Variants in TRIM32 observed in about 807,000 individuals in gnomAD.
TRIM32 encodes tripartite motif containing 32.
In TRIM32, 19 loss-of-function variants were observed where a neutral mutation model predicts 36.0. The observed-to-expected ratio is 0.53, with a 90% CI of 0.37 to 0.77. TRIM32 has a LOEUF of 0.77. Among genes scored for constraint, TRIM32 ranks in the 30% least tolerant of loss-of-function variants. The probability of loss-of-function intolerance (pLI) is 0.00; values close to 1 mark genes in which losing one functional copy is unlikely to be tolerated. For missense variants in TRIM32, 747 were observed against 845.2 expected, an observed-to-expected ratio of 0.88 and a Z score of 1.44; for synonymous variants, 309 against 318.5, an observed-to-expected ratio of 0.97 and a Z score of 0.32.
intron 1 of TRIM32, among the ~76,000 whole-genome samples, chr9:116,692,364 T>C (rs1860614618): frequency 6.6e-6 from 1 of 152,112 alleles, no homozygotes; most frequent in Non-Finnish European, 1.5e-5. Context: ...TTCTAATAGG[T>C]TGGGTGGTGG....
In TRIM32 at chr9:116,701,140, C is replaced by CTGA. The variant is rs1176019162; in HGVS notation, c.*1439_*1441dup. The CTGA allele has an allele frequency of 2.4e-5, 4 of 167,068 alleles. No individual in the cohort carries two copies. Among genetic ancestry groups the CTGA allele is most frequent in the African/African-American group, 7.2e-5 (3 of 41,428 alleles). 10.3% of individuals were successfully genotyped at this position (167,068 alleles called of 1,614,324 possible). ...AATATATCTTACTCTAGGTGCAGGG[C>CTGA]TGATGGCAAGCCAAAGAGCAACTGC... is the stretch of plus-strand genomic sequence containing the variant. On this transcript the variant is annotated 3_prime_UTR_variant, in exon 2 of 2. Transcript: ENST00000450136.
chr9:116,697,161 C>T (rs1860903711), intron 1 of TRIM32, among the ~76,000 whole-genome samples: 1 of 152,060 alleles, frequency 6.6e-6, no homozygotes, highest in Non-Finnish European at 1.5e-5. Flanking sequence ...ATACTTATTC[C>T]TTTTACTGTG....
Position 116,699,280 on chromosome 9 carries a change from C to T in TRIM32, c.1538C>T (p.Ala513Val), listed in dbSNP as rs752129261. 1 of 1,614,204 alleles carries T rather than the reference C, an allele frequency of 6.2e-7. No homozygotes were observed. ...GTCAAATACAGCTGCCTATGTAGTG[C>T]TGTGCGGCCCAAATTTGTCACCTGT... is the stretch of plus-strand genomic sequence containing the variant. ...GVVKYSCLCS[A>V]VRPKFVTCDA... Residue 513 changes from alanine (A) to valine (V), a missense_variant, in exon 2 of 2, where the codon GCT becomes GTT. Physicochemically the swap from Ala to Val is moderately conservative, Grantham distance 64 (BLOSUM62 0). Transcript: ENST00000450136. This position sits in a 1 kb window ranked among gnomAD's most constrained non-coding sequence, Gnocchi z 4.2.
rs1473368288 is a variant in TRIM32, at chr9:116,698,179, G to A, written c.437G>A (p.Arg146His). Residue 146 changes from arginine (R) to histidine (H), a missense_variant, in exon 2 of 2, where the codon CGT becomes CAT. Transcript: ENST00000450136. The surrounding 1 kb of genome is among the most constrained non-coding windows in gnomAD (Gnocchi z 4.4). ...GTCAAAGAAGCAGCTGAGGAGCGGC[G>A]TCGGGACTTTGGAGAGAAGTTAACT... is the stretch of plus-strand genomic sequence containing the variant. ...LPVKEAAEER[R>H]RDFGEKLTRL... 6.2e-6 allele frequency: 10 copies of A among 1,614,162 alleles called. No homozygotes were observed. Among genetic ancestry groups the A allele is most frequent in the Middle Eastern group, 3.3e-4 (2 of 6,060 alleles).
chr9:116,699,452 G>T lies in TRIM32; in HGVS notation c.1710G>T (p.Ser570=), dbSNP rs555217187. 3.7e-6 allele frequency: 6 copies of T among 1,614,064 alleles called. No homozygotes were observed. Among genetic ancestry groups the T allele is most frequent in the South Asian group, 2.2e-5 (2 of 91,076 alleles). Residue 570 remains serine (S), a synonymous_variant, in exon 2 of 2, where the codon TCG becomes TCT. Coordinates refer to ENST00000450136, the MANE Select transcript of TRIM32 (RefSeq NM_012210.4). The surrounding 1 kb of genome is among the most constrained non-coding windows in gnomAD (Gnocchi z 4.2). ...QLGRQISHFF[S]ENEDFRCIAG... Reference sequence around the variant, plus strand: ...GTCGCCAGATTAGCCACTTCTTCTCGGAGAATGAGGATTTCCGCTGCATTG... The same window carrying T: ...GTCGCCAGATTAGCCACTTCTTCTCTGAGAATGAGGATTTCCGCTGCATTG...
intron 1 of TRIM32, among the ~76,000 whole-genome samples, chr9:116,695,784 G>T (rs977566170): frequency 7.9e-5 from 12 of 152,100 alleles, no homozygotes; most frequent in Non-Finnish European, 1.5e-5. Flanking sequence ...GATCTCTCTG[G>T]GTCAACTTCA....
In TRIM32 at chr9:116,698,554, G is replaced by C; in HGVS notation, c.812G>C (p.Arg271Pro). ...CCAGAGCTCACTGCCAGCTTGCCTC[G>C]GGAGCTCACCCTGCAAGATGTGGAG... is the stretch of plus-strand genomic sequence containing the variant. ...EEPELTASLP[R>P]ELTLQDVELL... is the part of the protein sequence containing the mutation. Residue 271 changes from arginine to proline, a missense_variant, in exon 2 of 2, where the codon CGG (arginine) becomes CCG (proline). Arg to Pro is a moderately radical substitution (Grantham distance 103). Transcript: ENST00000450136. This position sits in a 1 kb window ranked among gnomAD's most constrained non-coding sequence, Gnocchi z 4.4. 6.2e-7 allele frequency: 1 copy of C among 1,613,890 alleles called. No individual in the cohort carries two copies.
Position 116,699,554 on chromosome 9 carries a change from G to C in TRIM32, c.1812G>C (p.Lys604Asn), listed in dbSNP as rs1169333337. Residue 604 changes from lysine to asparagine, a missense_variant, in exon 2 of 2, where the codon AAG (lysine) becomes AAC (asparagine). Physicochemically the swap from Lys to Asn is moderately conservative, Grantham distance 94. Coordinates refer to ENST00000450136, the MANE Select transcript of TRIM32 (RefSeq NM_012210.4). This position sits in a 1 kb window ranked among gnomAD's most constrained non-coding sequence, Gnocchi z 4.2. ...SSRKEILHFP[K>N]GGGYSVLIRE... Reference sequence around the variant, plus strand: ...GCAAGGAAATTCTCCATTTTCCTAAGGGTGGGGGCTATAGTGTCCTTATTC... The same window carrying C: ...GCAAGGAAATTCTCCATTTTCCTAACGGTGGGGGCTATAGTGTCCTTATTC... 1 of 1,614,208 alleles carries C rather than the reference G, an allele frequency of 6.2e-7. No homozygotes were observed. Among genetic ancestry groups the C allele is most frequent in the South Asian group, 1.1e-5 (1 of 91,080 alleles).
At chr9:116,695,829 A>G (rs985880103) in intron 1 of TRIM32, among the ~76,000 whole-genome samples, 1 of 152,162 alleles carries the variant, frequency 6.6e-6, no homozygotes, top group Non-Finnish European at 1.5e-5. Flanking sequence ...TGGAGTGTTC[A>G]TGGTTTGTAT....
intron 1 of TRIM32, 111 bp from the exon 2 acceptor site, chr9:116,697,551 T>A (rs1474153121): frequency 1.6e-5 from 11 of 707,198 alleles, no homozygotes; most frequent in Non-Finnish European, 2.5e-5. Context: ...AAATAGTTGT[T>A]AAGTAAGGGA....
At position 116,697,680 on chromosome 9, in the gene TRIM32, G is replaced by C; in HGVS notation, c.-63G>C. 1.2e-6 allele frequency: 2 copies of C among 1,603,570 alleles called. No individual in the cohort carries two copies. Among genetic ancestry groups the C allele is most frequent in the Admixed American group, 3.3e-5 (2 of 59,864 alleles). Reference sequence around the variant, plus strand: ...TCTTTAGCAGGAATTTGACCCTCTAGGGCATGAATACTGTGCTGTTCAGTT... The same window carrying C: ...TCTTTAGCAGGAATTTGACCCTCTACGGCATGAATACTGTGCTGTTCAGTT... On this transcript the variant is annotated 5_prime_UTR_variant, in exon 2 of 2. Transcript: ENST00000450136.
rs143760041 is a variant in TRIM32, at chr9:116,697,876, G to A, written c.134G>A (p.Arg45His). The A allele has an allele frequency of 1.7e-5, 27 of 1,614,046 alleles. No individual in the cohort carries two copies. Among genetic ancestry groups the A allele is most frequent in the South Asian group, 5.5e-5 (5 of 91,084 alleles). ...CTGCACTGTGGCCATACCATCTGCC[G>A]CCAGTGCCTGGAGAAGCTATTGGCC... The part of the protein sequence containing the change: ...KLLHCGHTIC[R>H]QCLEKLLASS... Residue 45 changes from arginine (R) to histidine (H), a missense_variant, in exon 2 of 2, where the codon CGC becomes CAC. Transcript: ENST00000450136.
intron 1 of TRIM32, among the ~76,000 whole-genome samples, chr9:116,695,278 A>T (rs1487858785): frequency 3.3e-5 from 5 of 152,218 alleles, no homozygotes; most frequent in Non-Finnish European, 5.9e-5. Flanking sequence ...TCATAGTGTC[A>T]TCATGAAGAT....
At chr9:116,697,503 A>G (rs1860922240) in intron 1 of TRIM32, 159 bp from the exon 2 acceptor site, 1 of 529,448 alleles carries the variant, frequency 1.9e-6, no homozygotes, top group Admixed American at 3.2e-5. Flanking sequence ...TTGTTTCCCT[A>G]TCTGTCACCC....
chr9:116,693,176 C>G (rs1157103538), intron 1 of TRIM32, among the ~76,000 whole-genome samples: 2 of 152,108 alleles, frequency 1.3e-5, no homozygotes, highest in Non-Finnish European at 2.9e-5. Context: ...TATTGTACAC[C>G]TAAGGGTATC....
intron 1 of TRIM32, among the ~76,000 whole-genome samples, chr9:116,695,422 G>A (rs1263282152): frequency 6.6e-6 from 1 of 152,178 alleles, no homozygotes; most frequent in Non-Finnish European, 1.5e-5. Context: ...AATTGTGCAT[G>A]TCTGCTGCTA....
chr9:116,699,007 T>C lies in TRIM32; in HGVS notation c.1265T>C (p.Leu422Pro). ...ATTGATAGCTTTGTGCTAAGCTTCC[T>C]TGGGGCAGATCTACCCAACCTCACT... ...SGIDSFVLSF[L>P]GADLPNLTPL... Residue 422 changes from leucine (L) to proline (P), a missense_variant, in exon 2 of 2, where the codon CTT becomes CCT. By Grantham distance (98) the Leu-to-Pro change is moderately conservative (BLOSUM62 -3). Transcript: ENST00000450136. This position sits in a 1 kb window ranked among gnomAD's most constrained non-coding sequence, Gnocchi z 4.2. 1 of 1,613,960 alleles carries C rather than the reference T, an allele frequency of 6.2e-7. No individual in the cohort carries two copies. Among genetic ancestry groups the C allele is most frequent in the Non-Finnish European group, 8.5e-7 (1 of 1,179,970 alleles).
In TRIM32 at chr9:116,699,092, C is replaced by T. The variant is rs1385035962; in HGVS notation, c.1350C>T (p.Asn450=). 1.9e-6 allele frequency: 3 copies of T among 1,613,944 alleles called. No individual in the cohort carries two copies. Among genetic ancestry groups the T allele is most frequent in the Non-Finnish European group, 8.5e-7 (1 of 1,179,936 alleles). ...GLIGVTDSYD[N]SLKVYTLDGH... is the part of the protein sequence containing the mutation. ...TTGGTGTGACTGACAGCTATGATAA[C>T]TCCCTCAAGGTATATACCTTGGATG... The change falls in exon 2 of 2, where the codon AAC becomes AAT. Residue 450 remains asparagine, a synonymous_variant. Transcript: ENST00000450136. This position sits in a 1 kb window ranked among gnomAD's most constrained non-coding sequence, Gnocchi z 4.2.
chr9:116,694,105 G>A (rs1459852754), intron 1 of TRIM32, among the ~76,000 whole-genome samples: 1 of 152,210 alleles, frequency 6.6e-6, no homozygotes, highest in Non-Finnish European at 1.5e-5. Flanking sequence ...AGAGCTTGGT[G>A]AAGCTGTAGT....
Sources: gnomAD v4.1 joint callset for allele counts (sites outside exome capture counted in the v4.1 genomes callset) on GRCh38, gnomAD v4.1.1 for gene constraint, Gnocchi (gnomAD v3.1) non-coding constraint, MANE v1.5 for transcripts, NCBI Gene and HGNC (gene_info 2026-07-23, HGNC 2026-07-21) for gene names.